FBXL20: variants seen among roughly 807,000 people sequenced by gnomAD.
FBXL20 encodes the protein F-box and leucine rich repeat protein 20, also known as F-box/LRR-repeat protein 20.
A neutral mutation model predicts 64.0 loss-of-function variants in FBXL20; 11 were observed. The ratio of observed to expected loss-of-function variants is 0.17; its 90% CI spans 0.11 to 0.28. The LOEUF (loss-of-function observed/expected upper bound fraction) is 0.28, where lower values mean the gene tolerates loss of function less well. Among genes scored for constraint, FBXL20 ranks in the 10% least tolerant of loss-of-function variants. The pLI is 1.00. For synonymous variants in FBXL20, 184 were observed against 189.0 expected, an observed-to-expected ratio of 0.97 and a Z score of 0.22; for missense variants, 303 against 526.2, an observed-to-expected ratio of 0.58 and a Z score of 4.15.
In FBXL20 at chr17:39,372,787, G is replaced by T. The variant is rs138993103; in HGVS notation, c.42+28574C>A. ...ACTACAGGTGTGTGCTACCACACCT[G>T]GCTAATTTTTTGTATTTAGTAGAGA... On this transcript the variant is annotated intron_variant, in intron 1 of 14. Coordinates refer to ENST00000264658, the MANE Select transcript of FBXL20 (RefSeq NM_032875.3). Among the ~76,000 whole-genome samples, 948 of 151,132 alleles carry T rather than the reference G, an allele frequency of 6.3e-3. 15 individuals are homozygous for T. Among genetic ancestry groups the T allele is most frequent in the African/African-American group, 0.022 (907 of 41,268 alleles).
At chr17:39,331,608 T>C (rs1438089632) in intron 2 of FBXL20, among the ~76,000 whole-genome samples, 1 of 152,224 alleles carries the variant, frequency 6.6e-6, no homozygotes, top group Non-Finnish European at 1.5e-5. Context: ...TGTGAGCTCC[T>C]TGAGGACAGT....
At chr17:39,291,073 T>G (rs904229310) in intron 6 of FBXL20, among the ~76,000 whole-genome samples, 1 of 151,900 alleles carries the variant, frequency 6.6e-6, no homozygotes, top group Non-Finnish European at 1.5e-5. Context: ...GCCATTCTCC[T>G]GCCTCAGCCT....
intron 1 of FBXL20, among the ~76,000 whole-genome samples, chr17:39,353,562 G>C (rs1013526184): frequency 6.6e-6 from 1 of 151,870 alleles, no homozygotes; most frequent in South Asian, 2.1e-4. Flanking sequence ...CAGGGGTCTT[G>C]GAACATATTC....
At chr17:39,286,173 T>C (rs1394163625) in intron 6 of FBXL20, among the ~76,000 whole-genome samples, 1 of 152,166 alleles carries the variant, frequency 6.6e-6, no homozygotes, top group Non-Finnish European at 1.5e-5. Context: ...GAGTAAATAA[T>C]ACAGAGAACC....
chr17:39,268,745 G>A (rs984832797), intron 12 of FBXL20, 82 bp downstream of exon 12: 3 of 1,199,760 alleles, frequency 2.5e-6, no homozygotes, highest in Non-Finnish European at 3.7e-6. Context: ...CTACACTAGG[G>A]TAGGGAATTG....
chr17:39,342,510 T>C (rs768750100), intron 2 of FBXL20, among the ~76,000 whole-genome samples: 2 of 151,636 alleles, frequency 1.3e-5, no homozygotes, highest in Non-Finnish European at 2.9e-5. Context: ...GGTCAGGAGA[T>C]CAAGACCATC....
rs1440149197 is a variant in FBXL20, at chr17:39,252,975, A to G, written c.*8485T>C. On this transcript the variant is annotated 3_prime_UTR_variant, in exon 15 of 15. Transcript: ENST00000264658. ...TGTCGGCTCCAGAGATTGGCTAAGC[A>G]TTTGGAGCAGGCCTAGTGGAGAAAC... is the stretch of plus-strand genomic sequence containing the variant. 1.3e-5 allele frequency: 2 copies of G among 152,296 alleles called. No individual in the cohort carries two copies. Among genetic ancestry groups the G allele is most frequent in the Non-Finnish European group, 2.9e-5 (2 of 68,104 alleles). 9.4% of individuals were successfully genotyped at this position (152,296 alleles called of 1,614,324 possible). A position where few individuals can be genotyped will look rare whatever the true frequency, so the allele number is the denominator to read the frequency against.
intron 1 of FBXL20, 129 bp from the exon 2 acceptor site, chr17:39,343,370 C>T: frequency 1.8e-6 from 1 of 561,488 alleles, no homozygotes; most frequent in Non-Finnish European, 3.0e-6. Flanking sequence ...AAACCAAAGT[C>T]ATAATTTTGG....
chr17:39,378,023 C>T (rs1241213337), intron 1 of FBXL20, among the ~76,000 whole-genome samples: 4 of 152,000 alleles, frequency 2.6e-5, no homozygotes, highest in Non-Finnish European at 5.9e-5. Context: ...CACCACCTAC[C>T]GCCCCCCAAC....
At chr17:39,393,552 T>C (rs1282492579) in intron 1 of FBXL20, among the ~76,000 whole-genome samples, 2 of 152,152 alleles carry the variant, frequency 1.3e-5, no homozygotes, top group Non-Finnish European at 2.9e-5. Context: ...TTACATGGAA[T>C]TGGATTTCCT....
chr17:39,305,718 G>C (rs1485206633), intron 2 of FBXL20, among the ~76,000 whole-genome samples: 1 of 152,076 alleles, frequency 6.6e-6, no homozygotes, highest in African/African-American at 2.4e-5. Flanking sequence ...GGGAACAGTG[G>C]CTCACGACTG....
At chr17:39,267,472 A>G (rs2046802392) in intron 12 of FBXL20, among the ~76,000 whole-genome samples, 1 of 152,204 alleles carries the variant, frequency 6.6e-6, no homozygotes, top group Non-Finnish European at 1.5e-5. Flanking sequence ...GAATAATCAG[A>G]GAAAGGAATC....
At chr17:39,350,201 T>G (rs1343769919) in intron 1 of FBXL20, among the ~76,000 whole-genome samples, 1 of 152,084 alleles carries the variant, frequency 6.6e-6, no homozygotes, top group Non-Finnish European at 1.5e-5. Context: ...CAATTTCACA[T>G]ATAAAAACAA....
intron 6 of FBXL20, among the ~76,000 whole-genome samples, chr17:39,287,737 A>G (rs1597776618): frequency 6.6e-6 from 1 of 152,050 alleles, no homozygotes; most frequent in Non-Finnish European, 1.5e-5. Context: ...AGTCCTAGGA[A>G]TGAAATTGCT....
chr17:39,329,205 C>A (rs555657637), intron 2 of FBXL20, among the ~76,000 whole-genome samples: 1 of 152,286 alleles, frequency 6.6e-6, no homozygotes, highest in African/African-American at 2.4e-5. Context: ...GACAAACAGA[C>A]ATCCTATGCC....
chr17:39,388,273 A>T (rs896899503), intron 1 of FBXL20, among the ~76,000 whole-genome samples: 6 of 151,890 alleles, frequency 4.0e-5, no homozygotes, highest in Admixed American at 1.3e-4. Context: ...CCTGACCAAC[A>T]TGGCAAAATC....
intron 2 of FBXL20, among the ~76,000 whole-genome samples, chr17:39,305,334 A>G (rs184951363): frequency 1.3e-5 from 2 of 152,328 alleles, no homozygotes; most frequent in East Asian, 3.9e-4. Context: ...AAGTAGACCA[A>G]TAAGTTATTT....
At chr17:39,320,646 G>A (rs2047346870) in intron 2 of FBXL20, among the ~76,000 whole-genome samples, 1 of 149,028 alleles carries the variant, frequency 6.7e-6, no homozygotes, top group Non-Finnish European at 1.5e-5. Context: ...CCAGACTGGA[G>A]TGCAGTGGCA....
chr17:39,357,580 T>C (rs1363055150), intron 1 of FBXL20, among the ~76,000 whole-genome samples: 2 of 152,222 alleles, frequency 1.3e-5, no homozygotes, highest in East Asian at 1.9e-4. Context: ...AGTGTCTTAC[T>C]ATGTCACCCA....
Sources: gnomAD v4.1 joint callset for allele counts (sites outside exome capture counted in the v4.1 genomes callset) on GRCh38, gnomAD v4.1.1 for gene constraint, MANE v1.5 for transcripts, NCBI Gene and HGNC (gene_info 2026-07-23, HGNC 2026-07-21) for gene names.